The following LIMA1 variants were observed in gnomAD, a reference collection of about 807,000 sequenced individuals.
The protein encoded by LIMA1 is LIM domain and actin binding 1.
LIMA1 carries 52 observed loss-of-function variants against 62.6 expected under a neutral mutation model. The ratio of observed to expected loss-of-function variants is 0.83; its 90% CI spans 0.67 to 1.05. The LOEUF (loss-of-function observed/expected upper bound fraction) is 1.05, where lower values mean the gene tolerates loss of function less well. Ranked by LOEUF, LIMA1 falls within the 50% of genes least tolerant of loss-of-function variation. The pLI is 0.00. For synonymous variants in LIMA1, 302 were observed against 317.8 expected, an observed-to-expected ratio of 0.95 and a Z score of 0.53; for missense variants, 780 against 902.2, an observed-to-expected ratio of 0.86 and a Z score of 1.74.
At chr12:50,278,925 C>G (rs533564032) in intron 1 of LIMA1, among the ~76,000 whole-genome samples, 1 of 151,936 alleles carries the variant, frequency 6.6e-6, no homozygotes, top group Admixed American at 6.6e-5. Context: ...AATGATAGAT[C>G]TCTCTGGAAC....
At chr12:50,268,597 T>A (rs1269433101) in intron 1 of LIMA1, among the ~76,000 whole-genome samples, 1 of 151,010 alleles carries the variant, frequency 6.6e-6, no homozygotes, top group Non-Finnish European at 1.5e-5. Flanking sequence ...ATGAAGCAAT[T>A]ATTATTATTA....
intron 1 of LIMA1, among the ~76,000 whole-genome samples, chr12:50,267,312 C>T (rs1488362945): frequency 6.6e-6 from 1 of 152,102 alleles, no homozygotes; most frequent in Non-Finnish European, 1.5e-5. Context: ...ACCTCGTGAT[C>T]CACCTGCCTT....
intron 4 of LIMA1, among the ~76,000 whole-genome samples, chr12:50,209,395 C>T (rs1218657651): frequency 1.3e-5 from 2 of 151,428 alleles, no homozygotes; most frequent in African/African-American, 4.8e-5. Context: ...CATTGTGAAA[C>T]CCTGTCTCTA....
intron 5 of LIMA1, among the ~76,000 whole-genome samples, chr12:50,205,771 T>C (rs1941139603): frequency 7.3e-6 from 1 of 137,524 alleles, no homozygotes; most frequent in Non-Finnish European, 1.5e-5. Context: ...CCCAGCACTT[T>C]GGGAGCACGT....
intron 7 of LIMA1, among the ~76,000 whole-genome samples, chr12:50,200,536 G>A (rs1298744121): frequency 6.6e-6 from 1 of 152,196 alleles, no homozygotes; most frequent in Non-Finnish European, 1.5e-5. Context: ...TCAGCTCTTT[G>A]CCTTCTGAGC....
intron 6 of LIMA1, among the ~76,000 whole-genome samples, chr12:50,203,015 T>C (rs1036726134): frequency 9.3e-5 from 14 of 149,866 alleles, no homozygotes; most frequent in African/African-American, 3.4e-4. Flanking sequence ...TTCCTTTTTT[T>C]TTTTTTTTTT....
intron 4 of LIMA1, among the ~76,000 whole-genome samples, chr12:50,209,157 G>C (rs1941207608): frequency 6.6e-6 from 1 of 151,314 alleles, no homozygotes; most frequent in South Asian, 2.1e-4. Flanking sequence ...ACTAAAACAA[G>C]CTGGAACAAC....
At position 50,204,561 on chromosome 12, in the gene LIMA1, G is replaced by A. The variant is rs1049084577; in HGVS notation, c.855C>T (p.Thr285=). 1 of 1,614,014 alleles carries A rather than the reference G, an allele frequency of 6.2e-7. No homozygotes were observed. The highest frequency in any genetic ancestry group is 1.1e-5 in the South Asian group (1 of 91,066). The part of the protein sequence containing the change: ...QAAVSKQSSS[T]NYTNELKASG... ...GATGCAGAACACATACTGTATAGTTGGTTGAGCTGCTTTGTTTGGACACAG... is the reference window on the plus strand; with the variant it reads ...GATGCAGAACACATACTGTATAGTTAGTTGAGCTGCTTTGTTTGGACACAG... Residue 285 remains threonine, a synonymous_variant, in exon 6 of 11, where the codon ACC becomes ACT. Transcript: ENST00000341247.
At chr12:50,223,806 G>A (rs1305751594) in intron 3 of LIMA1, among the ~76,000 whole-genome samples, 1 of 152,192 alleles carries the variant, frequency 6.6e-6, no homozygotes, top group Non-Finnish European at 1.5e-5. Flanking sequence ...GGGAGGCCGA[G>A]GCGGGTGGAT....
chr12:50,246,444 T>C lies in LIMA1; in HGVS notation c.119+2189A>G, dbSNP rs76118212. On this transcript the variant is annotated intron_variant, in intron 2 of 10. Transcript: ENST00000341247. ...ACCGTCTGATATCCTTCCCTTTCTC[T>C]CTATTCCTGTTCCCCCTTGACCCCC... 3.7e-3 allele frequency among the ~76,000 whole-genome samples: 559 copies of C among 152,208 alleles called. 1 individual carries two copies. Among genetic ancestry groups the C allele is most frequent in the Non-Finnish European group, 6.6e-3 (447 of 68,012 alleles).
chr12:50,180,725 T>A (rs569971599), intron 10 of LIMA1, among the ~76,000 whole-genome samples: 2 of 152,300 alleles, frequency 1.3e-5, no homozygotes, highest in African/African-American at 4.8e-5. Flanking sequence ...ATAAGTTTTA[T>A]CTTTTTAAAG....
At chr12:50,183,759 C>T (rs777952591) in intron 9 of LIMA1, among the ~76,000 whole-genome samples, 2 of 126,376 alleles carry the variant, frequency 1.6e-5, no homozygotes, top group African/African-American at 3.1e-5. Context: ...TGCAGTGAGC[C>T]GAGATTGAGC....
chr12:50,263,648 C>T (rs1427760267), intron 1 of LIMA1, among the ~76,000 whole-genome samples: 3 of 151,262 alleles, frequency 2.0e-5, no homozygotes, highest in East Asian at 1.9e-4. Flanking sequence ...CAAGTGTTAG[C>T]GAGGACGTGG....
intron 9 of LIMA1, among the ~76,000 whole-genome samples, chr12:50,183,667 C>T (rs1350483932): frequency 7.2e-5 from 11 of 151,768 alleles, no homozygotes; most frequent in Admixed American, 2.0e-4. Flanking sequence ...AAAAATTAGC[C>T]GGGCATGGTG....
chr12:50,195,732 G>T, intron 8 of LIMA1, 98 bp downstream of exon 8: 1 of 1,188,578 alleles, frequency 8.4e-7, no homozygotes, highest in Non-Finnish European at 1.2e-6. Context: ...GATTTACTAT[G>T]TTATTTTCTC....
At chr12:50,260,449 C>CA (rs1281982403) in intron 1 of LIMA1, among the ~76,000 whole-genome samples, 1 of 152,098 alleles carries the variant, frequency 6.6e-6, no homozygotes, top group Non-Finnish European at 1.5e-5. Flanking sequence ...ACGCCCAGCC[C>CA]AGTCCTAGAA....
chr12:50,200,447 T>A (rs1226993626), intron 7 of LIMA1, among the ~76,000 whole-genome samples: 1 of 152,142 alleles, frequency 6.6e-6, no homozygotes, highest in Non-Finnish European at 1.5e-5. Context: ...GTGATCCACC[T>A]GCCTCACCCT....
At chr12:50,201,994 C>T (rs147882329) in intron 6 of LIMA1, 1 of 152,262 alleles carries the variant, frequency 6.6e-6, no homozygotes, top group African/African-American at 2.4e-5. Flanking sequence ...TAATCTAGTA[C>T]TTTTCTGTTC....
At position 50,237,213 on chromosome 12, in the gene LIMA1, C is replaced by A. The variant is rs985980641; in HGVS notation, c.120-5503G>T. ...AAAGACTGAGAACAACCTGAATGTC[C>A]GTTAGCAGAGGAGTGGTAAATTATA... On this transcript the variant is annotated intron_variant, in intron 2 of 10. Transcript: ENST00000341247. Among the ~76,000 whole-genome samples, 66 of 152,148 alleles carry A rather than the reference C, an allele frequency of 4.3e-4. 1 individual carries two copies.
Sources: gnomAD v4.1 joint callset for allele counts (sites outside exome capture counted in the v4.1 genomes callset) on GRCh38, gnomAD v4.1.1 for gene constraint, MANE v1.5 for transcripts, NCBI Gene and HGNC (gene_info 2026-07-23, HGNC 2026-07-21) for gene names.